SPDEF: variants seen among roughly 807,000 people sequenced by gnomAD.
The protein encoded by SPDEF is SAM pointed domain-containing Ets transcription factor.
Under a neutral mutation model 36.0 loss-of-function variants are expected in SPDEF, and 12 were observed. The ratio of observed to expected loss-of-function variants is 0.33; its 90% CI spans 0.21 to 0.54. The LOEUF (loss-of-function observed/expected upper bound fraction) is 0.54. Among genes scored for constraint, SPDEF ranks in the 20% least tolerant of loss-of-function variants. SPDEF has a pLI of 0.93. For synonymous variants in SPDEF, 205 were observed against 193.0 expected (o/e 1.06, Z -0.51); for missense variants, 388 against 456.9 (o/e 0.85, Z 1.37).
In SPDEF at chr6:34,544,518, C is replaced by T; in HGVS notation, c.-29-34G>A. 1 of 1,446,936 alleles carries T rather than the reference C, an allele frequency of 6.9e-7. No homozygotes were observed. The highest frequency in any genetic ancestry group is 9.1e-7 in the Non-Finnish European group (1 of 1,096,436). 89.6% of individuals were successfully genotyped at this position (1,446,936 alleles called of 1,614,324 possible). A position where few individuals can be genotyped will look rare whatever the true frequency, so the allele number is the denominator to read the frequency against. On this transcript the variant is annotated intron_variant, in intron 1 of 5. Transcript: ENST00000374037. The surrounding 1 kb of genome is among the most constrained non-coding windows in gnomAD (Gnocchi z 4.4). ...ATGAAAGAGGACTCAGGTTTGACTG[C>T]TTCTCCATCCCTGTGGGGGCCGCTA...
At chr6:34,541,621 A>G (rs193061271) in intron 2 of SPDEF, among the ~76,000 whole-genome samples, 4 of 152,280 alleles carry the variant, frequency 2.6e-5, no homozygotes, top group Non-Finnish European at 5.9e-5. Context: ...TAGTCTTAGA[A>G]CCCCACCATT....
intron 1 of SPDEF, among the ~76,000 whole-genome samples, chr6:34,549,639 G>A (rs1768019918): frequency 1.3e-5 from 2 of 152,182 alleles, no homozygotes; most frequent in Non-Finnish European, 2.9e-5. Context: ...TCCATATCCT[G>A]CTTGGTCCCG....
intron 1 of SPDEF, among the ~76,000 whole-genome samples, chr6:34,548,784 C>T (rs751586080): frequency 4.6e-5 from 7 of 152,342 alleles, no homozygotes; most frequent in Admixed American, 6.5e-5. Flanking sequence ...CCTGCCCCAG[C>T]GAGCCCTCCC....
chr6:34,542,599 T>C (rs79651747), intron 2 of SPDEF, among the ~76,000 whole-genome samples: 1,699 of 152,346 alleles, frequency 0.011, 44 homozygotes, highest in East Asian at 0.095. Flanking sequence ...TATTAGGAAC[T>C]GCTTTTCGGC....
Position 34,539,175 on chromosome 6 carries a change from G to GCACC in SPDEF, c.829+71_829+74dup. ...CCCCTCTGCCCGCCCCTGCCCCCAT[G>GCACC]CACCGTGCCTGGCAGAAGCCCCCAC... On this transcript the variant is annotated intron_variant, in intron 5 of 5. Transcript: ENST00000374037. The surrounding 1 kb of genome is among the most constrained non-coding windows in gnomAD (Gnocchi z 5.2). 6.4e-7 allele frequency: 1 copy of GCACC among 1,553,168 alleles called. No individual in the cohort carries two copies. The highest frequency in any genetic ancestry group is 1.2e-5 in the South Asian group (1 of 85,094).
At chr6:34,553,974 T>C (rs1768117351) in intron 1 of SPDEF, among the ~76,000 whole-genome samples, 1 of 130,380 alleles carries the variant, frequency 7.7e-6, no homozygotes, top group South Asian at 2.5e-4. Flanking sequence ...ATCCAACTCC[T>C]ACACAGCCTT....
In SPDEF at chr6:34,544,348, C is replaced by T; in HGVS notation, c.108G>A (p.Val36=). Residue 36 remains valine, a synonymous_variant, in exon 2 of 6, where the codon GTG becomes GTA. Coordinates refer to ENST00000374037, the MANE Select transcript of SPDEF (RefSeq NM_012391.3). The surrounding 1 kb of genome is among the most constrained non-coding windows in gnomAD (Gnocchi z 4.4). ...GACTCCAGTCCCGTCTCTCGAGACC[C>T]ACTGCCCCCGCTGCCGCCTTCTCCA... The part of the protein sequence containing the change: ...TGLEKAAAGA[V]GLERRDWSPS... 6.2e-7 allele frequency: 1 copy of T among 1,605,290 alleles called. No homozygotes were observed. The highest frequency in any genetic ancestry group is 2.2e-5 in the East Asian group (1 of 44,770).
intron 2 of SPDEF, among the ~76,000 whole-genome samples, chr6:34,542,854 A>C (rs1581998110): frequency 7.3e-6 from 1 of 137,216 alleles, no homozygotes; most frequent in Admixed American, 8.0e-5. Flanking sequence ...ACACCACTGC[A>C]CTCCAGCCTC....
rs374206315 is a variant in SPDEF at position 34,539,392 on chromosome 6, C to G, written c.687G>C (p.Ser229=). 3.1e-6 allele frequency: 5 copies of G among 1,613,412 alleles called. No individual in the cohort carries two copies. The highest frequency in any genetic ancestry group is 4.5e-5 in the East Asian group (2 of 44,886). ...TSPGAIHYCA[S]TSEESWTDSE... is the part of the protein sequence containing the mutation. ...TGTCGGTCCAGCTCTCCTCACTGGTCGAGGCTGGGTGGCCAGGGAGGGTGG... is the reference window on the plus strand; with the variant it reads ...TGTCGGTCCAGCTCTCCTCACTGGTGGAGGCTGGGTGGCCAGGGAGGGTGG... Residue 229 remains serine (S), a synonymous_variant, in exon 5 of 6, where the codon TCG becomes TCC. Coordinates refer to ENST00000374037, the MANE Select transcript of SPDEF (RefSeq NM_012391.3). This position sits in a 1 kb window ranked among gnomAD's most constrained non-coding sequence, Gnocchi z 5.2.
chr6:34,550,607 G>A (rs56172934), intron 1 of SPDEF, among the ~76,000 whole-genome samples: 3,934 of 152,322 alleles, frequency 0.026, 139 homozygotes, highest in African/African-American at 0.084. Context: ...CCTCCTCTGG[G>A]CACAAAACTG....
intron 2 of SPDEF, among the ~76,000 whole-genome samples, chr6:34,543,160 C>CACT (rs1359808098): frequency 1.7e-5 from 2 of 119,820 alleles, no homozygotes; most frequent in African/African-American, 6.5e-5. Flanking sequence ...TGCACCACTG[C>CACT]ACTGCAGCCT....
At position 34,555,684 on chromosome 6, in the gene SPDEF, C is replaced by G. The variant is rs1215721772; in HGVS notation, c.-30+245G>C. ...TGGGCTCAGTGTGGGGGACCCCAGG[C>G]CTTGCCGGGCAAGGGGGCTCACCCA... On this transcript the variant is annotated intron_variant, in intron 1 of 5. Coordinates refer to ENST00000374037, the MANE Select transcript of SPDEF (RefSeq NM_012391.3). This position sits in a 1 kb window ranked among gnomAD's most constrained non-coding sequence, Gnocchi z 5.2. Among the ~76,000 whole-genome samples the G allele has an allele frequency of 6.6e-6, 1 of 152,012 alleles. No individual in the cohort carries two copies. Among genetic ancestry groups the G allele is most frequent in the African/African-American group, 2.4e-5 (1 of 41,418 alleles).
chr6:34,546,979 T>G (rs1767965355), intron 1 of SPDEF, among the ~76,000 whole-genome samples: 1 of 149,076 alleles, frequency 6.7e-6, no homozygotes, highest in Admixed American at 6.7e-5. Context: ...GCTAGGTGGC[T>G]CCACCCCTGG....
At position 34,544,932 on chromosome 6, in the gene SPDEF, G is replaced by T. The variant is rs1234504446; in HGVS notation, c.-29-448C>A. On this transcript the variant is annotated intron_variant, in intron 1 of 5. Coordinates refer to ENST00000374037, the MANE Select transcript of SPDEF (RefSeq NM_012391.3). This position sits in a 1 kb window ranked among gnomAD's most constrained non-coding sequence, Gnocchi z 4.4. ...TTGTTTTTCTTCTGCCTTTGACAAG[G>T]ATAGGAGTGGAAGTGGCAGGCAGAG... Among the ~76,000 whole-genome samples, 2 of 152,210 alleles carry T rather than the reference G, an allele frequency of 1.3e-5. No homozygotes were observed. Among genetic ancestry groups the T allele is most frequent in the Non-Finnish European group, 2.9e-5 (2 of 68,034 alleles).
rs752860837 is a variant in SPDEF, at chr6:34,541,126, G to T, written c.492C>A (p.His164Gln). ...TGCCCATGGGGGGCAGCCGGTATTG[G>T]TGCTCTGTCCACAGGAGCCACTTCT... ...NVQKWLLWTE[H>Q]QYRLPPMGKA... Residue 164 changes from histidine (H) to glutamine (Q), a missense_variant, in exon 3 of 6, where the codon CAC (histidine) becomes CAA (glutamine). Transcript: ENST00000374037. The T allele has an allele frequency of 3.8e-5, 61 of 1,609,970 alleles. No homozygotes were observed. The highest frequency in any genetic ancestry group is 5.0e-5 in the Non-Finnish European group (59 of 1,178,512).
At position 34,538,415 on chromosome 6, in the gene SPDEF, C is replaced by T. The variant is rs1473661850; in HGVS notation, c.867G>A (p.Arg289=). Residue 289 remains arginine (R), a synonymous_variant, in exon 6 of 6, where the codon CGG becomes CGA. Coordinates refer to ENST00000374037, the MANE Select transcript of SPDEF (RefSeq NM_012391.3). The surrounding 1 kb of genome is among the most constrained non-coding windows in gnomAD (Gnocchi z 5.9). ...FKIEDSAQVA[R]LWGIRKNRPA... The stretch of plus-strand genomic sequence containing the variant: ...GACGGTTCTTGCGGATGCCCCACAG[C>T]CGGGCCACCTGGGCTGAGTCCTCAA... 1.9e-6 allele frequency: 3 copies of T among 1,613,830 alleles called. No individual in the cohort carries two copies. The African/African-American group carries it at 4.0e-5, about 22-fold the overall frequency.
intron 1 of SPDEF, among the ~76,000 whole-genome samples, chr6:34,547,414 C>T (rs1767977875): frequency 1.3e-5 from 2 of 152,234 alleles, no homozygotes; most frequent in South Asian, 4.1e-4. Context: ...CTCGCTCTGT[C>T]GAGTGCAGGG....
At chr6:34,542,343 A>G (rs1293007436) in intron 2 of SPDEF, among the ~76,000 whole-genome samples, 4 of 152,140 alleles carry the variant, frequency 2.6e-5, no homozygotes, top group Non-Finnish European at 5.9e-5. Context: ...AGGACTAGAG[A>G]CTCAGCAGCC....
chr6:34,552,646 C>T lies in SPDEF; in HGVS notation c.-30+3283G>A, dbSNP rs533910948. Among the ~76,000 whole-genome samples, 6 of 152,276 alleles carry T rather than the reference C, an allele frequency of 3.9e-5. No individual in the cohort carries two copies. The highest frequency in any genetic ancestry group is 2.1e-4 in the South Asian group (1 of 4,826). On this transcript the variant is annotated intron_variant, in intron 1 of 5. Transcript: ENST00000374037. The surrounding 1 kb of genome is among the most constrained non-coding windows in gnomAD (Gnocchi z 4.6). ...GGGCTGAAGGGAAAAAACATTCCTG[C>T]GCCCTGATCCTCAGGCCCTGGAGCA...
Sources: gnomAD v4.1 joint callset for allele counts (sites outside exome capture counted in the v4.1 genomes callset) on GRCh38, gnomAD v4.1.1 for gene constraint, Gnocchi (gnomAD v3.1) non-coding constraint, MANE v1.5 for transcripts, NCBI Gene and HGNC (gene_info 2026-07-23, HGNC 2026-07-21) for gene names.